Variants in XYLT1 observed in about 807,000 individuals in gnomAD.
XYLT1 encodes xylosyltransferase 1, also known as beta-D-xylosyltransferase 1.
XYLT1 carries 36 observed loss-of-function variants against 91.3 expected under a neutral mutation model. The ratio of observed to expected loss-of-function variants is 0.39; its 90% CI spans 0.30 to 0.52. The LOEUF is 0.52. Among genes scored for constraint, XYLT1 ranks in the 20% least tolerant of loss-of-function variants. The pLI, the probability that XYLT1 is intolerant of heterozygous loss-of-function variation, is 0.68. For synonymous variants in XYLT1, 588 were observed against 532.0 expected (o/e 1.11, Z -1.45); for missense variants, 1,242 against 1,284.5 (o/e 0.97, Z 0.51).
chr16:17,133,517 A>G (rs191314753), intron 9 of XYLT1, among the ~76,000 whole-genome samples: 9 of 152,022 alleles, frequency 5.9e-5, no homozygotes. Context: ...ACTTCTGCTC[A>G]ATGGAATACT....
At chr16:17,449,293 C>T (rs1012984406) in intron 1 of XYLT1, among the ~76,000 whole-genome samples, 2 of 152,278 alleles carry the variant, frequency 1.3e-5, no homozygotes, top group African/African-American at 4.8e-5. Context: ...TAGCCAGCTT[C>T]TCACTGCTGT....
intron 2 of XYLT1, among the ~76,000 whole-genome samples, chr16:17,337,776 T>TTTTC (rs2035004956): frequency 2.2e-5 from 1 of 44,518 alleles, no homozygotes; most frequent in Admixed American, 3.2e-4. Context: ...ACATTTTTTC[T>TTTTC]TTTTCTTTTT....
At chr16:17,390,598 C>T (rs1341844009) in intron 1 of XYLT1, among the ~76,000 whole-genome samples, 1 of 152,232 alleles carries the variant, frequency 6.6e-6, no homozygotes. Context: ...TTGCCTTTAC[C>T]TCCAAACCGC....
At chr16:17,147,594 G>C in intron 6 of XYLT1, among the ~76,000 whole-genome samples, 1 of 152,152 alleles carries the variant, frequency 6.6e-6, no homozygotes, top group South Asian at 2.1e-4. Flanking sequence ...CGCATGCTTT[G>C]GTTAACTAAG....
chr16:17,253,859 A>AGAGAGAGAGAGAGAGAGAGAGAGC (rs1555491314), intron 3 of XYLT1, among the ~76,000 whole-genome samples: 2 of 146,252 alleles, frequency 1.4e-5, no homozygotes, highest in African/African-American at 5.1e-5. Context: ...AGAGAGAGAG[A>AGAGAGAGAGAGAGAGAGAGAGAGC]GAGCGAGCCT....
chr16:17,255,000 T>C (rs1223288943), intron 3 of XYLT1, among the ~76,000 whole-genome samples: 79 of 145,174 alleles, frequency 5.4e-4, no homozygotes, highest in Non-Finnish European at 9.0e-4. Context: ...CTTTTTCTTT[T>C]TTTTTTTTTT....
At chr16:17,326,777 A>G (rs2141834497) in intron 2 of XYLT1, among the ~76,000 whole-genome samples, 1 of 151,836 alleles carries the variant, frequency 6.6e-6, no homozygotes, top group East Asian at 1.9e-4. Context: ...GTGAGCCGAG[A>G]TCGCGCCACT....
At chr16:17,359,025 G>A (rs1383791489) in intron 1 of XYLT1, among the ~76,000 whole-genome samples, 2 of 152,178 alleles carry the variant, frequency 1.3e-5, no homozygotes, top group Non-Finnish European at 2.9e-5. Context: ...GGAGAGACAG[G>A]GAGGGTACAG....
At chr16:17,139,096 T>TTTAAGGGATCTGAGAAAG (rs1700581811) in intron 7 of XYLT1, among the ~76,000 whole-genome samples, 1 of 152,212 alleles carries the variant, frequency 6.6e-6, no homozygotes, top group Non-Finnish European at 1.5e-5. Flanking sequence ...GGCCAACTGC[T>TTTAAGGGATCTGAGAAAG]TTAAGGGATC....
intron 1 of XYLT1, among the ~76,000 whole-genome samples, chr16:17,425,917 T>C (rs2036312469): frequency 6.6e-6 from 1 of 152,186 alleles, no homozygotes; most frequent in Non-Finnish European, 1.5e-5. Context: ...TGCCACTTCC[T>C]ACCTCGTTTA....
chr16:17,330,590 C>G (rs1461623313), intron 2 of XYLT1, among the ~76,000 whole-genome samples: 1 of 151,606 alleles, frequency 6.6e-6, no homozygotes, highest in African/African-American at 2.4e-5. Context: ...AGTTCGAGAC[C>G]AGCCTGGCCA....
chr16:17,109,843 G>A (rs1297239006), intron 11 of XYLT1, among the ~76,000 whole-genome samples: 1 of 152,182 alleles, frequency 6.6e-6, no homozygotes, highest in Non-Finnish European at 1.5e-5. Flanking sequence ...CAGCTGCCGA[G>A]CGTCCACCTT....
Position 17,368,489 on chromosome 16 carries a change from A to G in XYLT1, c.364-10439T>C, listed in dbSNP as rs537966654. The stretch of plus-strand genomic sequence containing the variant: ...ATACCATAATTCACCATTTATGAGC[A>G]TTACTTCAATAAACCCACATTCTAT... On this transcript the variant is annotated intron_variant, in intron 1 of 11. Coordinates refer to ENST00000261381, the MANE Select transcript of XYLT1 (RefSeq NM_022166.4). Among the ~76,000 whole-genome samples, 3 of 151,512 alleles carry G rather than the reference A, an allele frequency of 2.0e-5. No homozygotes were observed. The East Asian group carries it at 5.8e-4, about 29-fold the overall frequency.
chr16:17,437,638 G>A (rs570271586), intron 1 of XYLT1, among the ~76,000 whole-genome samples: 5 of 152,094 alleles, frequency 3.3e-5, no homozygotes, highest in Non-Finnish European at 7.3e-5. Context: ...TACTGTTCGT[G>A]GAGCGGTTGT....
intron 1 of XYLT1, among the ~76,000 whole-genome samples, chr16:17,405,809 A>G (rs527763499): frequency 6.6e-6 from 1 of 152,340 alleles, no homozygotes; most frequent in South Asian, 2.1e-4. Context: ...AGAAGGGCAC[A>G]GTGATGTAAA....
chr16:17,387,064 A>G (rs1212869607), intron 1 of XYLT1, among the ~76,000 whole-genome samples: 2 of 152,320 alleles, frequency 1.3e-5, no homozygotes, highest in East Asian at 3.9e-4. Context: ...TTGAGGGAGC[A>G]GAAGAAGAGG....
intron 1 of XYLT1, among the ~76,000 whole-genome samples, chr16:17,385,261 AACACACATACAC>A (rs1235195726): frequency 3.6e-4 from 39 of 108,176 alleles, no homozygotes; most frequent in African/African-American, 1.2e-3. Flanking sequence ...AACACACATA[AACACACATACAC>A]ACACACACAC....
At chr16:17,320,272 C>T (rs916504689) in intron 2 of XYLT1, among the ~76,000 whole-genome samples, 1 of 152,182 alleles carries the variant, frequency 6.6e-6, no homozygotes, top group African/African-American at 2.4e-5. Flanking sequence ...TGAAGCACAG[C>T]AGGTGCTCAA....
chr16:17,248,929 G>T (rs1341821808), intron 3 of XYLT1, among the ~76,000 whole-genome samples: 2 of 151,744 alleles, frequency 1.3e-5, no homozygotes, highest in South Asian at 4.2e-4. Context: ...GTTTCACTAT[G>T]TTGGCTAGGC....
Sources: allele counts gnomAD v4.1 joint callset (sites outside exome capture counted in the v4.1 genomes callset), GRCh38; gene constraint gnomAD v4.1.1; transcripts MANE v1.5; gene names NCBI Gene and HGNC (gene_info 2026-07-23, HGNC 2026-07-21).